The following VPS36 variants were observed in gnomAD, a reference collection of about 807,000 sequenced individuals.
The protein encoded by VPS36 is vacuolar protein sorting 36 homolog.
VPS36 carries 31 observed loss-of-function variants against 63.5 expected under a neutral mutation model. That is an observed-to-expected ratio of 0.49 (90% CI 0.37 to 0.66). The LOEUF is 0.66. Ranked by LOEUF, VPS36 falls within the 30% of genes least tolerant of loss-of-function variation. The pLI is 0.00. For missense variants in VPS36, 338 were observed against 463.7 expected, an observed-to-expected ratio of 0.73 and a Z score of 2.49; for synonymous variants, 138 against 157.2, an observed-to-expected ratio of 0.88 and a Z score of 0.91.
chr13:52,426,473 T>C (rs894242584), intron 8 of VPS36, among the ~76,000 whole-genome samples: 2 of 152,218 alleles, frequency 1.3e-5, no homozygotes, highest in Admixed American at 1.3e-4. Context: ...TTCTGTTTTC[T>C]ACACTCCAAA....
intron 6 of VPS36, among the ~76,000 whole-genome samples, chr13:52,431,762 CAAA>C (rs60968712): frequency 1.5e-5 from 1 of 68,122 alleles, no homozygotes; most frequent in African/African-American, 5.1e-5. Flanking sequence ...GACTCTGTCT[CAAA>C]AAAAAAAAAA....
intron 1 of VPS36, among the ~76,000 whole-genome samples, chr13:52,444,450 A>G (rs1958315089): frequency 6.7e-6 from 1 of 149,610 alleles, no homozygotes; most frequent in Admixed American, 6.7e-5. Flanking sequence ...ACAGAGCAAG[A>G]CTCCGTTTAA....
intron 3 of VPS36, among the ~76,000 whole-genome samples, chr13:52,438,102 T>C (rs1323456717): frequency 1.3e-5 from 2 of 152,154 alleles, no homozygotes; most frequent in East Asian, 3.8e-4. Flanking sequence ...ACTGGACATG[T>C]TTAAAAAATA....
chr13:52,417,097 G>A lies in VPS36; in HGVS notation c.950C>T (p.Ser317Phe), dbSNP rs943817245. The A allele has an allele frequency of 6.2e-7, 1 of 1,614,070 alleles. No individual in the cohort carries two copies. ...GGCCACCATTTCCTCTTCCTTGTGA[G>A]ACTGAAGCTCAATTACCATGACGCC... ...DSGVMVIELQ[S>F]HKEEEMVASA... The change falls in exon 12 of 14, where the codon TCT becomes TTT. Residue 317 changes from serine (S) to phenylalanine (F), a missense_variant. Coordinates refer to ENST00000378060, the MANE Select transcript of VPS36 (RefSeq NM_016075.4).
chr13:52,427,262 T>A, intron 6 of VPS36, 43 bp from the exon 7 acceptor site: 1 of 1,585,118 alleles, frequency 6.3e-7, no homozygotes. Context: ...ATCTAAAGAA[T>A]TAAAATGACT....
intron 8 of VPS36, among the ~76,000 whole-genome samples, 186 bp downstream of exon 8, chr13:52,426,803 C>T (rs1165588229): frequency 2.0e-5 from 3 of 152,100 alleles, no homozygotes; most frequent in African/African-American, 7.2e-5. Flanking sequence ...TGCAGTGAGC[C>T]GAGATCGTGC....
chr13:52,424,912 C>T (rs750900757), intron 9 of VPS36, among the ~76,000 whole-genome samples: 8 of 151,134 alleles, frequency 5.3e-5, no homozygotes, highest in Non-Finnish European at 1.0e-4. Flanking sequence ...CGCTTGAACC[C>T]GGGAGGTAGA....
chr13:52,416,191 T>C (rs1025293235), intron 12 of VPS36, 98 bp from the exon 13 acceptor site: 1 of 1,111,818 alleles, frequency 9.0e-7, no homozygotes, highest in African/African-American at 1.6e-5. Flanking sequence ...TATACCAGTA[T>C]ATGCAAGAAA....
At chr13:52,429,031 T>C (rs980203841) in intron 6 of VPS36, among the ~76,000 whole-genome samples, 7 of 151,972 alleles carry the variant, frequency 4.6e-5, no homozygotes, top group Non-Finnish European at 1.0e-4. Flanking sequence ...TATCAAAAAA[T>C]GAGTAAAGAA....
chr13:52,443,711 T>A (rs565850511), intron 1 of VPS36, among the ~76,000 whole-genome samples: 2 of 152,332 alleles, frequency 1.3e-5, no homozygotes, highest in African/African-American at 4.8e-5. Context: ...TATAAATTTT[T>A]AAATGTTCTT....
Position 52,450,425 on chromosome 13 carries a change from C to A in VPS36, c.96+74G>T. ...GGGACCGGGCCGCGCCGACCCGGGC[C>A]GCGCTGAGCCGGGCCGCGCGCCCAC... On this transcript the variant is annotated intron_variant, in intron 1 of 13. Coordinates refer to ENST00000378060, the MANE Select transcript of VPS36 (RefSeq NM_016075.4). 2.1e-6 allele frequency: 3 copies of A among 1,458,764 alleles called. No homozygotes were observed. The South Asian group carries it at 3.8e-5, about 19-fold the overall frequency. 90.4% of individuals were successfully genotyped at this position (1,458,764 alleles called of 1,614,324 possible).
intron 10 of VPS36, among the ~76,000 whole-genome samples, chr13:52,418,767 A>G (rs1359321486): frequency 6.6e-6 from 1 of 152,180 alleles, no homozygotes; most frequent in Non-Finnish European, 1.5e-5. Flanking sequence ...TACTTGCAGC[A>G]TATCTTGATT....
chr13:52,436,253 ACCTT>A, intron 4 of VPS36, 33 bp downstream of exon 4: 1 of 1,401,804 alleles, frequency 7.1e-7, no homozygotes, highest in Non-Finnish European at 1.0e-6. Context: ...ACACACACAC[ACCTT>A]TCTAGTACGA....
At chr13:52,444,463 A>T (rs892819090) in intron 1 of VPS36, among the ~76,000 whole-genome samples, 12 of 148,048 alleles carry the variant, frequency 8.1e-5, no homozygotes, top group African/African-American at 2.9e-4. Context: ...CCGTTTAAAA[A>T]ATACATATAT....
intron 9 of VPS36, among the ~76,000 whole-genome samples, chr13:52,425,220 T>C (rs1958088925): frequency 7.3e-6 from 1 of 136,546 alleles, no homozygotes; most frequent in African/African-American, 2.8e-5. Flanking sequence ...ACCACTGCAC[T>C]CCAGCCTGGG....
intron 1 of VPS36, 92 bp from the exon 2 acceptor site, chr13:52,442,537 T>C (rs1958291196): frequency 9.4e-7 from 1 of 1,064,306 alleles, no homozygotes; most frequent in Non-Finnish European, 1.4e-6. Context: ...ACTAAATTAA[T>C]CATATAAACA....
rs141386443 is a variant in VPS36 at position 52,445,781 on chromosome 13, C to CAA, written c.97-3338_97-3337dup. ...TGAAACCCCGTCTCTACTAAAAATA[C>CAA]AAAAAAAAAATAGCCGGGTGTGGTA... On this transcript the variant is annotated intron_variant, in intron 1 of 13. Coordinates refer to ENST00000378060, the MANE Select transcript of VPS36 (RefSeq NM_016075.4). Among the ~76,000 whole-genome samples, 1,195 of 125,358 alleles carry CAA rather than the reference C, an allele frequency of 9.5e-3. 34 individuals carry two copies. The highest frequency in any genetic ancestry group is 0.014 in the Non-Finnish European group (828 of 60,710). The allele number at this position is 125,358 out of a possible 152,430, so 82.2% of individuals were successfully genotyped here.
rs1287281544 is a variant in VPS36 at position 52,435,025 on chromosome 13, G to A, written c.352-143C>T. On this transcript the variant is annotated intron_variant, in intron 4 of 13. Coordinates refer to ENST00000378060, the MANE Select transcript of VPS36 (RefSeq NM_016075.4). ...TTGTTCTTGTTGCCCAGGCTGGAGT[G>A]CAATGGCGTGATCTAGGCTCACCAC... 17 of 725,502 alleles carry A rather than the reference G, an allele frequency of 2.3e-5. 1 individual carries two copies. The South Asian group carries it at 2.8e-4, about 12-fold the overall frequency. The allele number at this position is 725,502 out of a possible 1,614,324, so 44.9% of individuals were successfully genotyped here.
At chr13:52,439,225 T>C (rs1958249291) in intron 2 of VPS36, 57 bp from the exon 3 acceptor site, 9 of 1,492,136 alleles carry the variant, frequency 6.0e-6, no homozygotes, top group Non-Finnish European at 8.3e-6. Context: ...ATAACACTTG[T>C]CAGAAATCCT....
Sources: allele counts gnomAD v4.1 joint callset (sites outside exome capture counted in the v4.1 genomes callset), GRCh38; gene constraint gnomAD v4.1.1; transcripts MANE v1.5; gene names NCBI Gene and HGNC (gene_info 2026-07-23, HGNC 2026-07-21).